Variants in UBR4 observed in about 807,000 individuals in gnomAD.
UBR4 encodes ubiquitin protein ligase E3 component n-recognin 4.
A neutral mutation model predicts 575.6 loss-of-function variants in UBR4; 124 were observed. That is an observed-to-expected ratio of 0.22 (90% CI 0.19 to 0.25). The LOEUF (loss-of-function observed/expected upper bound fraction) is 0.25. UBR4 is among the 10% of genes least tolerant of loss of function. The pLI, the probability that UBR4 is intolerant of heterozygous loss-of-function variation, is 1.00. For missense variants in UBR4, 4,818 were observed against 6,478.8 expected (o/e 0.74, Z 8.80); for synonymous variants, 2,455 against 2,473.7 (o/e 0.99, Z 0.22).
intron 65 of UBR4, among the ~76,000 whole-genome samples, chr1:19,123,869 C>T (rs957552731): frequency 1.3e-5 from 2 of 152,210 alleles, no homozygotes; most frequent in African/African-American, 4.8e-5. Context: ...CAGTTCCCAA[C>T]CCACCCCTAC....
intron 1 of UBR4, among the ~76,000 whole-genome samples, chr1:19,203,640 G>A (rs574949950): frequency 5.3e-5 from 8 of 152,280 alleles, no homozygotes; most frequent in Admixed American, 1.3e-4. Context: ...TGCCAATGTC[G>A]GTGATGAATC....
chr1:19,125,000 G>A (rs1176788832), intron 64 of UBR4, among the ~76,000 whole-genome samples: 1 of 151,552 alleles, frequency 6.6e-6, no homozygotes, highest in Non-Finnish European at 1.5e-5. Flanking sequence ...GTGCTAGAAA[G>A]GCCAAAAAAA....
At chr1:19,143,315 A>C (rs1035788013) in intron 55 of UBR4, among the ~76,000 whole-genome samples, 1 of 146,670 alleles carries the variant, frequency 6.8e-6, no homozygotes, top group Non-Finnish European at 1.5e-5. Context: ...AGAAAGAAAG[A>C]AAGAAAATTT....
chr1:19,140,934 TC>T, intron 57 of UBR4, 42 bp from the exon 58 acceptor site: 4 of 1,561,764 alleles, frequency 2.6e-6, no homozygotes, highest in Non-Finnish European at 3.5e-6. Flanking sequence ...CCCCTCCAGG[TC>T]CCATCCACAG....
At chr1:19,083,377 C>A (rs1038141872) in intron 102 of UBR4, among the ~76,000 whole-genome samples, 4 of 152,224 alleles carry the variant, frequency 2.6e-5, no homozygotes, top group African/African-American at 9.6e-5. Context: ...CTAGAAAAGA[C>A]AAGAGACAGA....
intron 87 of UBR4, among the ~76,000 whole-genome samples, chr1:19,102,362 GA>G (rs377546297): frequency 3.4e-4 from 49 of 143,168 alleles, no homozygotes; most frequent in African/African-American, 4.6e-4. Flanking sequence ...GAAACTTCGG[GA>G]AAAAAAAAAA....
At chr1:19,164,575 A>G (rs909583526) in intron 32 of UBR4, 134 bp from the exon 33 acceptor site, 1 of 1,160,088 alleles carries the variant, frequency 8.6e-7, no homozygotes. Context: ...GGGCTAGTAG[A>G]GCATAAAACA....
chr1:19,147,180 T>A (rs1557782073), intron 51 of UBR4, among the ~76,000 whole-genome samples, 180 bp from the exon 52 acceptor site: 1 of 152,204 alleles, frequency 6.6e-6, no homozygotes, highest in Non-Finnish European at 1.5e-5. Context: ...AGTTTCTTAA[T>A]ACATAAAATA....
intron 91 of UBR4, 84 bp from the exon 92 acceptor site, chr1:19,096,734 C>G: frequency 6.5e-7 from 1 of 1,538,612 alleles, no homozygotes; most frequent in Non-Finnish European, 8.7e-7. Context: ...AGCCCTATTC[C>G]TGGCTGATGG....
rs142678462 is a variant in UBR4 at position 19,119,652 on chromosome 1, T to C, written c.10360A>G (p.Ile3454Val). 1.2e-6 allele frequency: 2 copies of C among 1,614,064 alleles called. No homozygotes were observed. The highest frequency in any genetic ancestry group is 1.7e-6 in the Non-Finnish European group (2 of 1,179,892). The part of the protein sequence containing the change: ...QELLLDLMWS[I>V]WPELPAYGRK... ...CCATAGGCTGGGAGTTCTGGCCAGA[T>C]GGACCACATCAGATCTAGCAGGAGC... is the stretch of plus-strand genomic sequence containing the variant. The change falls in exon 70 of 106, where the codon ATC becomes GTC. Residue 3454 changes from isoleucine to valine, a missense_variant. Physicochemically the swap from Ile to Val is conservative, Grantham distance 29. Coordinates refer to ENST00000375254, the MANE Select transcript of UBR4 (RefSeq NM_020765.3).
intron 55 of UBR4, among the ~76,000 whole-genome samples, chr1:19,142,697 C>T (rs779336154): frequency 2.6e-5 from 4 of 151,956 alleles, no homozygotes; most frequent in Admixed American, 6.6e-5. Context: ...CAAAATGGTA[C>T]CAAAACAGGC....
chr1:19,088,287 T>C lies in UBR4; in HGVS notation c.14431-358A>G, dbSNP rs2077204798. On this transcript the variant is annotated intron_variant, in intron 98 of 105. Coordinates refer to ENST00000375254, the MANE Select transcript of UBR4 (RefSeq NM_020765.3). The surrounding 1 kb of genome is among the most constrained non-coding windows in gnomAD (Gnocchi z 4.0). Reference sequence around the variant, plus strand: ...TCATTCACTGTTCCCAGGTGAGCTTTTCAACTGCTGACACTCAAGTCTGTG... The same window carrying C: ...TCATTCACTGTTCCCAGGTGAGCTTCTCAACTGCTGACACTCAAGTCTGTG... Among the ~76,000 whole-genome samples, 1 of 152,216 alleles carries C rather than the reference T, an allele frequency of 6.6e-6. No individual in the cohort carries two copies. The highest frequency in any genetic ancestry group is 2.1e-4 in the South Asian group (1 of 4,824).
chr1:19,147,988 G>C lies in UBR4; in HGVS notation c.7629+5C>G. 1 of 1,611,600 alleles carries C rather than the reference G, an allele frequency of 6.2e-7. No homozygotes were observed. Among genetic ancestry groups the C allele is most frequent in the African/African-American group, 1.3e-5 (1 of 75,006 alleles). On this transcript the variant is annotated splice_donor_5th_base_variant and intron_variant, in intron 51 of 105. Coordinates refer to ENST00000375254, the MANE Select transcript of UBR4 (RefSeq NM_020765.3). ...GCAATTTCCTTTCCCTGAGAGAACA[G>C]TTACCTTGTGGCTGTGGTAGGCCGA...
At chr1:19,172,471 C>T (rs548886187) in intron 25 of UBR4, among the ~76,000 whole-genome samples, 1 of 152,182 alleles carries the variant, frequency 6.6e-6, no homozygotes, top group South Asian at 2.1e-4. Flanking sequence ...GAGCCAAGAT[C>T]GCACCATTGC....
chr1:19,112,228 G>A (rs750096864), intron 78 of UBR4: 10 of 360,472 alleles, frequency 2.8e-5, no homozygotes, highest in Non-Finnish European at 5.0e-5. Flanking sequence ...TCTTTCTCGA[G>A]TTCAAGTGTC....
In UBR4 at chr1:19,173,615, A is replaced by G; in HGVS notation, c.2989T>C (p.Cys997Arg). The change falls in exon 23 of 106, where the codon TGT (cysteine) becomes CGT (arginine). Residue 997 changes from cysteine (C) to arginine (R), a missense_variant. Physicochemically the swap from Cys to Arg is radical, Grantham distance 180. This residue lies in a region of UBR4 where 1,172 missense variants were observed against 1,259.7 expected (regional missense o/e 0.93). Transcript: ENST00000375254. ...ENKNVTALEA[C>R]ALQYYFLILW... ...ATCAAGAAGTAATATTGAAGGGCAC[A>G]GGCCTCCTGGAGAAAGGAAAAGCAG... is the stretch of plus-strand genomic sequence containing the variant. 2 of 1,614,078 alleles carry G rather than the reference A, an allele frequency of 1.2e-6. No homozygotes were observed. Among genetic ancestry groups the G allele is most frequent in the Non-Finnish European group, 1.7e-6 (2 of 1,179,966 alleles).
Position 19,186,550 on chromosome 1 carries a change from GTCC to G in UBR4, c.1737_1739del (p.Glu579del). 1 of 1,613,940 alleles carries G rather than the reference GTCC, an allele frequency of 6.2e-7. No homozygotes were observed. Among genetic ancestry groups the G allele is most frequent in the South Asian group, 1.1e-5 (1 of 91,060 alleles). ...AAGAGCGGCCTCTACCTTGGCTGCT[GTCC>G]TCCTCCGTGCTACTGAAATCGTCCT... On this transcript the variant is annotated inframe_deletion, in exon 14 of 106. Transcript: ENST00000375254.
intron 102 of UBR4, chr1:19,082,019 C>A: frequency 1.8e-6 from 1 of 561,612 alleles, no homozygotes; most frequent in Non-Finnish European, 3.2e-6. Context: ...CACAGCCTGA[C>A]TCCCCCTTGC....
chr1:19,164,543 T>C (rs1000058657), intron 32 of UBR4, 102 bp from the exon 33 acceptor site: 47 of 1,293,286 alleles, frequency 3.6e-5, no homozygotes, highest in Non-Finnish European at 4.7e-5. Flanking sequence ...ATAACTACAA[T>C]ACCAATCCCA....
Sources: allele counts gnomAD v4.1 joint callset (sites outside exome capture counted in the v4.1 genomes callset), GRCh38; gene constraint gnomAD v4.1.1; regional missense constraint gnomAD v4.1.1; non-coding constraint Gnocchi (gnomAD v3.1); transcripts MANE v1.5; gene names NCBI Gene and HGNC (gene_info 2026-07-23, HGNC 2026-07-21).